The following INSL6 variants were observed in gnomAD, a reference collection of about 807,000 sequenced individuals.
INSL6 encodes insulin-like peptide INSL6.
INSL6 carries 16 observed loss-of-function variants against 9.4 expected under a neutral mutation model. The observed-to-expected ratio is 1.70, with a 90% CI of 1.15 to 2.59. INSL6 has a LOEUF of 2.59. Among genes scored for constraint, INSL6 ranks in the 30% most tolerant of loss-of-function variants. INSL6 has a pLI of 0.00. For synonymous variants in INSL6, 154 were observed against 96.9 expected, an observed-to-expected ratio of 1.59 and a Z score of -3.46; for missense variants, 391 against 257.3, an observed-to-expected ratio of 1.52 and a Z score of -3.56.
downstream of INSL6, among the ~76,000 whole-genome samples, chr9:5,159,486 A>T (rs538623157): frequency 2.6e-5 from 4 of 152,318 alleles, no homozygotes; most frequent in African/African-American, 9.6e-5. Flanking sequence ...GGAAACCAAA[A>T]ACAAGCAGGA....
intron 1 of INSL6, among the ~76,000 whole-genome samples, chr9:5,172,341 C>A (rs1413140538): frequency 1.3e-5 from 2 of 151,998 alleles, no homozygotes; most frequent in Non-Finnish European, 2.9e-5. Context: ...ACTGTAAAAC[C>A]AAAACTATAA....
At position 5,150,981 on chromosome 9, in the gene INSL6, G is replaced by C. The variant is rs144624814; in HGVS notation, c.376+13198C>G. Among the ~76,000 whole-genome samples, 546 of 152,196 alleles carry C rather than the reference G, an allele frequency of 3.6e-3. 5 individuals are homozygous for C. Among genetic ancestry groups the C allele is most frequent in the African/African-American group, 0.012 (519 of 41,534 alleles). Reference sequence around the variant, plus strand: ...TCTTATATAAAATAACTAAGAAACAGAAAGTTAGATGCTGCCTGTTCTCAC... The same window carrying C: ...TCTTATATAAAATAACTAAGAAACACAAAGTTAGATGCTGCCTGTTCTCAC... On this transcript the variant is annotated intron_variant, in intron 2 of 3. Coordinates refer to the INSL6 transcript ENST00000649639.
rs372742500 is a variant in INSL6, at chr9:5,167,794, G to A, written c.290-3529C>T. Among the ~76,000 whole-genome samples the A allele has an allele frequency of 2.9e-4, 44 of 152,286 alleles. No homozygotes were observed. In the Middle Eastern group the frequency reaches 0.01, roughly 35 times the overall value. On this transcript the variant is annotated intron_variant, in intron 1 of 1. Coordinates refer to ENST00000381641, the MANE Select transcript of INSL6 (RefSeq NM_007179.3). ...CCCTGATCCTATTCCTCCAAACTGG[G>A]TGAGACCTCCCAACAGGAGTGTTCT...
chr9:5,069,882 T>A, the INSL6 span: 4 of 1,339,578 alleles, frequency 3.0e-6, no homozygotes, highest in Non-Finnish European at 4.1e-6. Flanking sequence ...ATTCATACTT[T>A]CAGTGTATTT....
At chr9:5,026,895 T>C in the INSL6 span, among the ~76,000 whole-genome samples, 1 of 152,248 alleles carries the variant, frequency 6.6e-6, no homozygotes, top group Non-Finnish European at 1.5e-5. Context: ...TAAGTTGATA[T>C]TTAAAATTTT....
At chr9:5,085,066 C>G in the INSL6 span, 1 of 701,100 alleles carries the variant, frequency 1.4e-6, no homozygotes, top group African/African-American at 1.8e-5. Context: ...GAGAAGTTTA[C>G]TGCTCTCTCT....
the INSL6 span, among the ~76,000 whole-genome samples, chr9:5,012,008 A>G: frequency 6.6e-6 from 1 of 152,122 alleles, no homozygotes; most frequent in Admixed American, 6.5e-5. Context: ...GTTCTTTCAG[A>G]TTTCTAGCTA....
the INSL6 span, among the ~76,000 whole-genome samples, chr9:5,084,665 ATATACT>A: frequency 2.6e-5 from 4 of 152,226 alleles, no homozygotes; most frequent in African/African-American, 9.6e-5. Context: ...TCATGCCCAC[ATATACT>A]TATATTCTTT....
At chr9:5,031,854 T>C in the INSL6 span, among the ~76,000 whole-genome samples, 1 of 152,354 alleles carries the variant, frequency 6.6e-6, no homozygotes, top group Admixed American at 6.5e-5. Flanking sequence ...GGGTGATTTC[T>C]GCATTTCCAA....
At chr9:5,165,295 G>A (rs1413913388) in intron 1 of INSL6, among the ~76,000 whole-genome samples, 1 of 152,214 alleles carries the variant, frequency 6.6e-6, no homozygotes, top group East Asian at 1.9e-4. Flanking sequence ...TCTTTGGGAT[G>A]TAACCTAGGG....
intron 2 of INSL6, among the ~76,000 whole-genome samples, chr9:5,134,483 C>T (rs765698206): frequency 6.6e-6 from 1 of 152,242 alleles, no homozygotes; most frequent in Non-Finnish European, 1.5e-5. Flanking sequence ...ATCAGACTAA[C>T]AGCGGATCTC....
At chr9:5,082,822 T>C in the INSL6 span, among the ~76,000 whole-genome samples, 28 of 152,242 alleles carry the variant, frequency 1.8e-4, no homozygotes, top group Non-Finnish European at 2.5e-4. Context: ...GCCCTAGCCT[T>C]AAACCTTGAT....
chr9:5,121,992 AT>A (rs1321361925), downstream of INSL6, among the ~76,000 whole-genome samples: 2 of 152,178 alleles, frequency 1.3e-5, no homozygotes, highest in East Asian at 3.8e-4. Flanking sequence ...GATATGTAAA[AT>A]TTGTAAAGAC....
At chr9:5,010,511 G>T in the INSL6 span, among the ~76,000 whole-genome samples, 3 of 152,034 alleles carry the variant, frequency 2.0e-5, no homozygotes, top group East Asian at 5.8e-4. Context: ...AGTACAGACA[G>T]GGTTTCACCA....
At chr9:5,025,064 C>T in the INSL6 span, among the ~76,000 whole-genome samples, 287 of 152,218 alleles carry the variant, frequency 1.9e-3, 1 homozygote, top group African/African-American at 6.6e-3. Flanking sequence ...CTTGATTCAG[C>T]ATTTATCTGA....
the INSL6 span, among the ~76,000 whole-genome samples, chr9:5,018,691 G>C: frequency 1.3e-5 from 2 of 152,162 alleles, no homozygotes; most frequent in Non-Finnish European, 2.9e-5. Flanking sequence ...ATTTCTTGTA[G>C]GTCTGGTCTA....
the INSL6 span, among the ~76,000 whole-genome samples, chr9:5,024,524 G>A: frequency 6.6e-6 from 1 of 151,796 alleles, no homozygotes; most frequent in Non-Finnish European, 1.5e-5. Context: ...GAAAGCTTAG[G>A]GTCTTTTCTT....
chr9:5,024,427 T>A, the INSL6 span, among the ~76,000 whole-genome samples: 32,278 of 151,896 alleles, frequency 0.21, 4,334 homozygotes, highest in South Asian at 0.31. Flanking sequence ...GTGTTGGGGC[T>A]CTCATTCAGT....
chr9:5,178,229 G>A (rs1825360276), intron 1 of INSL6, among the ~76,000 whole-genome samples: 1 of 152,100 alleles, frequency 6.6e-6, no homozygotes, highest in African/African-American at 2.4e-5. Flanking sequence ...AGACCTCCTT[G>A]TAGGGGCTTC....
Sources: allele counts gnomAD v4.1 joint callset (sites outside exome capture counted in the v4.1 genomes callset), GRCh38; gene constraint gnomAD v4.1.1; transcripts MANE v1.5; gene names NCBI Gene and HGNC (gene_info 2026-07-23, HGNC 2026-07-21).